The following MYO1E variants were observed in gnomAD, a reference collection of about 807,000 sequenced individuals.
MYO1E encodes the protein myosin IE.
A neutral mutation model predicts 151.1 loss-of-function variants in MYO1E; 68 were observed. The ratio of observed to expected loss-of-function variants is 0.45; its 90% confidence interval spans 0.37 to 0.55. The LOEUF is 0.55. Ranked by LOEUF, MYO1E falls within the 20% of genes least tolerant of loss-of-function variation. The pLI is 0.00. For synonymous variants in MYO1E, 601 were observed against 501.7 expected, an observed-to-expected ratio of 1.20 and a Z score of -2.64; for missense variants, 1,363 against 1,389.3, an observed-to-expected ratio of 0.98 and a Z score of 0.30.
chr15:59,155,639 C>G (rs1164507707), intron 25 of MYO1E, among the ~76,000 whole-genome samples: 2 of 152,232 alleles, frequency 1.3e-5, no homozygotes, highest in Non-Finnish European at 2.9e-5. Context: ...GAATTCTCCA[C>G]TGGAACCAGC....
intron 1 of MYO1E, among the ~76,000 whole-genome samples, chr15:59,345,114 A>C (rs2080786655): frequency 2.0e-5 from 3 of 152,188 alleles, no homozygotes. Context: ...TTCTCCCTGA[A>C]GATGAGGGAC....
intron 26 of MYO1E, among the ~76,000 whole-genome samples, chr15:59,146,432 G>A (rs1225488875): frequency 6.6e-6 from 1 of 152,054 alleles, no homozygotes; most frequent in African/African-American, 2.4e-5. Flanking sequence ...TCTCATGCCT[G>A]AGTCTCCCAA....
chr15:59,332,116 C>T (rs2080701676), intron 1 of MYO1E, among the ~76,000 whole-genome samples: 2 of 152,166 alleles, frequency 1.3e-5, no homozygotes, highest in Non-Finnish European at 1.5e-5. Flanking sequence ...CCTTCCTTTA[C>T]CATTTTGTGT....
chr15:59,226,705 G>A (rs2079993749), intron 7 of MYO1E, among the ~76,000 whole-genome samples: 1 of 152,182 alleles, frequency 6.6e-6, no homozygotes, highest in South Asian at 2.1e-4. Flanking sequence ...TACTTGGGAG[G>A]GTGAGGCAGG....
At chr15:59,163,079 C>G (rs1483190191) in intron 23 of MYO1E, 78 bp downstream of exon 23, 1 of 1,537,256 alleles carries the variant, frequency 6.5e-7, no homozygotes, top group African/African-American at 1.4e-5. Flanking sequence ...TCCTCCAGCC[C>G]CATCCTGAAT....
intron 1 of MYO1E, among the ~76,000 whole-genome samples, chr15:59,364,772 G>T (rs370419189): frequency 1.3e-5 from 2 of 152,034 alleles, no homozygotes; most frequent in South Asian, 2.1e-4. Flanking sequence ...GGGCATGGTA[G>T]TGTGTACCTA....
At chr15:59,204,798 C>T (rs1052482594) in intron 15 of MYO1E, among the ~76,000 whole-genome samples, 2 of 152,106 alleles carry the variant, frequency 1.3e-5, no homozygotes, top group African/African-American at 4.8e-5. Flanking sequence ...CTTGCTAAGC[C>T]ATTAACCATC....
chr15:59,149,347 C>A (rs535172402), intron 26 of MYO1E, among the ~76,000 whole-genome samples: 2 of 152,230 alleles, frequency 1.3e-5, no homozygotes, highest in South Asian at 4.1e-4. Flanking sequence ...TGAGCCACCG[C>A]GCCCGGCCTG....
At chr15:59,320,369 C>T (rs2080618334) in intron 1 of MYO1E, among the ~76,000 whole-genome samples, 2 of 152,050 alleles carry the variant, frequency 1.3e-5, no homozygotes, top group Admixed American at 1.3e-4. Context: ...CAAAAGCAAT[C>T]CTAAGCAAAA....
chr15:59,294,058 C>T (rs1428940550), intron 1 of MYO1E, among the ~76,000 whole-genome samples: 2 of 152,200 alleles, frequency 1.3e-5, no homozygotes, highest in African/African-American at 2.4e-5. Context: ...AACAAAATAA[C>T]AACAGAAACC....
At chr15:59,176,115 G>A (rs973668060) in intron 19 of MYO1E, among the ~76,000 whole-genome samples, 7 of 152,138 alleles carry the variant, frequency 4.6e-5, no homozygotes, top group Non-Finnish European at 7.4e-5. Flanking sequence ...CTGGAGTGCA[G>A]TGGCGCGATC....
intron 1 of MYO1E, among the ~76,000 whole-genome samples, chr15:59,357,327 C>T (rs1213737461): frequency 6.6e-6 from 1 of 151,806 alleles, no homozygotes; most frequent in Non-Finnish European, 1.5e-5. Context: ...AAGGATTCTA[C>T]CTGAAAAGTA....
chr15:59,253,041 G>GA (rs1417915333), intron 4 of MYO1E, among the ~76,000 whole-genome samples: 5 of 152,152 alleles, frequency 3.3e-5, no homozygotes, highest in African/African-American at 1.2e-4. Flanking sequence ...TAAGAGCTAA[G>GA]AAAAAAGAGT....
intron 10 of MYO1E, among the ~76,000 whole-genome samples, chr15:59,216,388 A>G (rs543600332): frequency 1.3e-5 from 2 of 151,836 alleles, no homozygotes; most frequent in African/African-American, 4.8e-5. Flanking sequence ...TTCTCTTTAA[A>G]ATACTCAGAA....
intron 16 of MYO1E, among the ~76,000 whole-genome samples, chr15:59,196,397 A>T (rs1459279928): frequency 6.6e-6 from 1 of 152,202 alleles, no homozygotes; most frequent in African/African-American, 2.4e-5. Flanking sequence ...TCACATCAGC[A>T]TTCCCACCCC....
intron 19 of MYO1E, among the ~76,000 whole-genome samples, chr15:59,178,088 G>A (rs2079635931): frequency 6.6e-6 from 1 of 152,242 alleles, no homozygotes; most frequent in Admixed American, 6.5e-5. Flanking sequence ...AAGAGTCCCT[G>A]CCCTCCAGGA....
At chr15:59,331,644 A>G (rs536762268) in intron 1 of MYO1E, among the ~76,000 whole-genome samples, 10 of 152,320 alleles carry the variant, frequency 6.6e-5, no homozygotes, top group African/African-American at 2.4e-4. Flanking sequence ...CTAAGATGGA[A>G]AGAAATGAAT....
At position 59,359,182 on chromosome 15, in the gene MYO1E, T is replaced by C. The variant is rs187149753; in HGVS notation, c.3+13316A>G. Among the ~76,000 whole-genome samples the C allele has an allele frequency of 6.4e-4, 97 of 151,876 alleles. 3 individuals carry two copies. The highest frequency in any genetic ancestry group is 6.8e-3 in the Middle Eastern group (2 of 294). On this transcript the variant is annotated intron_variant, in intron 1 of 27. Coordinates refer to ENST00000288235, the MANE Select transcript of MYO1E (RefSeq NM_004998.4). ...AGCTGTCACCTATAATCCCAGCATTTTGGGCCACCAAGGCAGGAGAATCGC... is the reference window on the plus strand; with the variant it reads ...AGCTGTCACCTATAATCCCAGCATTCTGGGCCACCAAGGCAGGAGAATCGC...
Position 59,132,772 on chromosome 15 carries a change from T to TA in MYO1E, c.*4607dup, listed in dbSNP as rs1555405769. 6.6e-6 allele frequency: 1 copy of TA among 152,216 alleles called. No individual in the cohort carries two copies. Among genetic ancestry groups the TA allele is most frequent in the African/African-American group, 2.4e-5 (1 of 41,456 alleles). The allele number at this position is 152,216 out of a possible 1,614,324, so 9.4% of individuals were successfully genotyped here. A position where few individuals can be genotyped will look rare whatever the true frequency, so the allele number is the denominator to read the frequency against. ...GAGTGTCTCCCTCATAGGGTGGTGC[T>TA]AAGTAAAGTATGCCAAGCACTTAGT... On this transcript the variant is annotated 3_prime_UTR_variant, in exon 28 of 28. Coordinates refer to ENST00000288235, the MANE Select transcript of MYO1E (RefSeq NM_004998.4).
Sources: gnomAD v4.1 joint callset for allele counts (sites outside exome capture counted in the v4.1 genomes callset) on GRCh38, gnomAD v4.1.1 for gene constraint, MANE v1.5 for transcripts, NCBI Gene and HGNC (gene_info 2026-07-23, HGNC 2026-07-21) for gene names.